PCDHGA5: variants seen among roughly 807,000 people sequenced by gnomAD.
The protein encoded by PCDHGA5 is protocadherin gamma-A5.
PCDHGA5 carries 36 observed loss-of-function variants against 56.7 expected under a neutral mutation model. That is an observed-to-expected ratio of 0.64 (90% confidence interval 0.49 to 0.84). PCDHGA5 has a LOEUF of 0.84. PCDHGA5 is among the 40% of genes least tolerant of loss of function. PCDHGA5 has a pLI of 0.00. For missense variants in PCDHGA5, 1,305 were observed against 1,201.5 expected (o/e 1.09, Z -1.27); for synonymous variants, 563 against 520.2 (o/e 1.08, Z -1.12).
At chr5:141,464,470 C>T (rs1175806879) in intron 1 of PCDHGA5, among the ~76,000 whole-genome samples, 3 of 151,194 alleles carry the variant, frequency 2.0e-5, no homozygotes, top group Non-Finnish European at 2.9e-5. Flanking sequence ...GAAGTATGTA[C>T]GTATAATAAA....
intron 1 of PCDHGA5, chr5:141,371,312 A>T (rs889882138): frequency 1.9e-6 from 3 of 1,613,910 alleles, no homozygotes; most frequent in African/African-American, 2.7e-5. Context: ...CTATTGGAGA[A>T]CTGGACTTTG....
chr5:141,386,119 G>T (rs2090470238), intron 1 of PCDHGA5: 1 of 152,186 alleles, frequency 6.6e-6, no homozygotes, highest in Non-Finnish European at 1.5e-5. Context: ...ATCAAAGTGG[G>T]AGATTGGGGA....
At chr5:141,415,475 C>T in intron 1 of PCDHGA5, 1 of 1,614,162 alleles carries the variant, frequency 6.2e-7, no homozygotes, top group Non-Finnish European at 8.5e-7. Flanking sequence ...ACCGCGGACT[C>T]GCGAAAGAGT....
chr5:141,424,786 T>G (rs1219509852), intron 1 of PCDHGA5: 1 of 152,210 alleles, frequency 6.6e-6, no homozygotes, highest in Non-Finnish European at 1.5e-5. Flanking sequence ...ATTCAGTTCT[T>G]TTATTCAGAC....
At chr5:141,384,071 C>A (rs1476893471) in intron 1 of PCDHGA5, 2 of 1,603,074 alleles carry the variant, frequency 1.2e-6, no homozygotes, top group Non-Finnish European at 1.7e-6. Context: ...GAAAACCTAC[C>A]TTTTAAATTA....
At chr5:141,484,451 T>G (rs2099596635) in intron 1 of PCDHGA5, among the ~76,000 whole-genome samples, 2 of 152,264 alleles carry the variant, frequency 1.3e-5, no homozygotes, top group South Asian at 4.1e-4. Flanking sequence ...TTTAATTGGC[T>G]ACGTTAATGT....
intron 3 of PCDHGA5, among the ~76,000 whole-genome samples, chr5:141,509,622 T>C (rs2099877603): frequency 6.6e-6 from 1 of 152,186 alleles, no homozygotes; most frequent in Non-Finnish European, 1.5e-5. Flanking sequence ...AACAAGTTCC[T>C]GGGTGATGCT....
chr5:141,478,607 A>T (rs892000536), intron 1 of PCDHGA5: 1 of 1,560,800 alleles, frequency 6.4e-7, no homozygotes, highest in Non-Finnish European at 8.7e-7. Context: ...CATCATATTG[A>T]GGAAGGAATG....
chr5:141,510,893 G>C (rs1334514746), intron 3 of PCDHGA5, 54 bp from the exon 4 acceptor site: 1 of 1,612,722 alleles, frequency 6.2e-7, no homozygotes, highest in African/African-American at 1.3e-5. Context: ...ATAAGACAGT[G>C]ACTGTTGAGG....
At position 141,489,664 on chromosome 5, in the gene PCDHGA5, A is replaced by G. The variant is rs745597010; in HGVS notation, c.2422-5143A>G. On this transcript the variant is annotated intron_variant, in intron 1 of 3. Transcript: ENST00000518069. The surrounding 1 kb of genome is among the most constrained non-coding windows in gnomAD (Gnocchi z 4.5). ...TGCCACCCCTGAGCGAGAGATGCGCATCTCAGAATCAGCAGCATCTGGGGC... is the reference window on the plus strand; with the variant it reads ...TGCCACCCCTGAGCGAGAGATGCGCGTCTCAGAATCAGCAGCATCTGGGGC... 1 of 1,614,106 alleles carries G rather than the reference A, an allele frequency of 6.2e-7. No homozygotes were observed. The highest frequency in any genetic ancestry group is 8.5e-7 in the Non-Finnish European group (1 of 1,180,050).
chr5:141,393,412 T>A (rs1382243931), intron 1 of PCDHGA5: 3 of 1,614,032 alleles, frequency 1.9e-6, no homozygotes, highest in South Asian at 1.1e-5. Flanking sequence ...GAGCGCGCCC[T>A]GGACAGGGAG....
chr5:141,383,267 T>G (rs1428207205), intron 1 of PCDHGA5: 1 of 1,613,726 alleles, frequency 6.2e-7, no homozygotes, highest in East Asian at 2.2e-5. Context: ...GACGTGGAAA[T>G]AATAGATATT....
chr5:141,429,955 A>G (rs971940539), intron 1 of PCDHGA5, among the ~76,000 whole-genome samples: 1 of 152,202 alleles, frequency 6.6e-6, no homozygotes, highest in Non-Finnish European at 1.5e-5. Context: ...TTTCCAGTCA[A>G]TGCAAGTTGG....
Position 141,375,504 on chromosome 5 carries a change from T to A in PCDHGA5, c.2421+8753T>A. The A allele has an allele frequency of 2.5e-6, 4 of 1,614,004 alleles. No homozygotes were observed. The South Asian group carries it at 4.4e-5, about 18-fold the overall frequency. ...CCCAGGGGTGCCTCCATCTTCTCTG[T>A]GAATGCACTGGACCCTGACGTGGAC... On this transcript the variant is annotated intron_variant, in intron 1 of 3. Coordinates refer to ENST00000518069, the MANE Select transcript of PCDHGA5 (RefSeq NM_018918.3).
intron 1 of PCDHGA5, chr5:141,405,262 C>T (rs1352663124): frequency 1.9e-6 from 3 of 1,614,012 alleles, no homozygotes; most frequent in Non-Finnish European, 2.5e-6. Context: ...ACCTGATCTT[C>T]CCCCAGCCCA....
intron 1 of PCDHGA5, chr5:141,405,207 C>A (rs767001796): frequency 6.2e-7 from 1 of 1,613,292 alleles, no homozygotes; most frequent in Non-Finnish European, 8.5e-7. Flanking sequence ...TTCCTACAGA[C>A]CTATTCTCAG....
intron 1 of PCDHGA5, chr5:141,384,575 C>G (rs754018989): frequency 6.2e-7 from 1 of 1,614,258 alleles, no homozygotes; most frequent in East Asian, 2.2e-5. Context: ...AATGACAACC[C>G]GCCCGAGATC....
In PCDHGA5 at chr5:141,365,845, A is replaced by T; in HGVS notation, c.1515A>T (p.Val505=). 1.2e-6 allele frequency: 2 copies of T among 1,613,920 alleles called. No individual in the cohort carries two copies. The highest frequency in any genetic ancestry group is 1.7e-6 in the Non-Finnish European group (2 of 1,179,880). ...AGGGGGCGCCCTTGTCCTCCTATGT[A>T]TCCATTAACTCTGACACCGGTGTCC... ...TFQGAPLSSY[V]SINSDTGVLY... Residue 505 remains valine (V), a synonymous_variant, in exon 1 of 4, where the codon GTA becomes GTT. Transcript: ENST00000518069.
At chr5:141,415,055 C>G in intron 1 of PCDHGA5, 2 of 1,613,402 alleles carry the variant, frequency 1.2e-6, no homozygotes, top group East Asian at 2.2e-5. Flanking sequence ...GGGGAGCACA[C>G]GGGCGAGGTG....
Sources: gnomAD v4.1 joint callset for allele counts (sites outside exome capture counted in the v4.1 genomes callset) on GRCh38, gnomAD v4.1.1 for gene constraint, Gnocchi (gnomAD v3.1) non-coding constraint, MANE v1.5 for transcripts, NCBI Gene and HGNC (gene_info 2026-07-23, HGNC 2026-07-21) for gene names.